ANOS1: variants seen among roughly 807,000 people sequenced by gnomAD.
ANOS1 encodes anosmin-1.
ANOS1 carries 6 observed loss-of-function variants against 59.0 expected under a neutral mutation model. The ratio of observed to expected loss-of-function variants is 0.10; its 90% CI spans 0.06 to 0.20. The LOEUF (loss-of-function observed/expected upper bound fraction) is 0.20, where lower values mean the gene tolerates loss of function less well. Ranked by LOEUF, ANOS1 falls within the 10% of genes least tolerant of loss-of-function variation. The pLI, the probability that ANOS1 is intolerant of heterozygous loss-of-function variation, is 1.00. For missense variants in ANOS1, 433 were observed against 542.3 expected, an observed-to-expected ratio of 0.80 and a Z score of 2.00; for synonymous variants, 217 against 223.4, an observed-to-expected ratio of 0.97 and a Z score of 0.25.
At chrX:8,724,724 A>G (rs149364072) in intron 1 of ANOS1, among the ~76,000 whole-genome samples, 183 of 112,167 alleles carry the variant, frequency 1.6e-3, no homozygotes, top group African/African-American at 5.5e-3. Context: ...TGGAGAAGGA[A>G]TTGGTGTATA....
At chrX:8,654,992 T>C (rs1356624061) in intron 2 of ANOS1, among the ~76,000 whole-genome samples, 3 of 111,888 alleles carry the variant, frequency 2.7e-5, no homozygotes, top group Non-Finnish European at 3.8e-5. Context: ...GTCAGCTACA[T>C]TAGCAGTCCC....
chrX:8,588,105 T>G, intron 4 of ANOS1, 127 bp from the exon 5 acceptor site: 5 of 643,876 alleles, frequency 7.8e-6, no homozygotes, highest in South Asian at 2.4e-5. Flanking sequence ...TTCATAAAAG[T>G]GGCCTCTCCA....
chrX:8,587,691 G>A (rs1930541517), intron 5 of ANOS1, 103 bp downstream of exon 5: 1 of 589,069 alleles, frequency 1.7e-6, no homozygotes, highest in East Asian at 3.6e-5. Flanking sequence ...ATTTATTTCT[G>A]TAGTCAAGCT....
At chrX:8,621,860 C>A (rs969724531) in intron 3 of ANOS1, among the ~76,000 whole-genome samples, 1 of 111,506 alleles carries the variant, frequency 9.0e-6, no homozygotes, top group Non-Finnish European at 1.9e-5. Context: ...TTTTTTACTG[C>A]CACATCTCTA....
chrX:8,570,558 T>A lies in ANOS1; in HGVS notation c.1003A>T (p.Met335Leu), dbSNP rs553886468. ...GGGACAAGAGACTTACTGCTGACCA[T>A]CCAGCTCCAAAAGACCTTGTAATGA... ...VHHYKVFWSW[M>L]VSSKSLVPTK... The change falls in exon 7 of 14, where the codon ATG becomes TTG. Residue 335 changes from methionine to leucine, a missense_variant. By Grantham distance (15) the Met-to-Leu change is conservative (BLOSUM62 2). Transcript: ENST00000262648. The A allele has an allele frequency of 6.6e-6, 8 of 1,209,755 alleles. No individual in the cohort carries two copies. In the South Asian group the frequency reaches 1.4e-4, roughly 21 times the overall value.
intron 2 of ANOS1, among the ~76,000 whole-genome samples, chrX:8,680,337 T>A (rs1307398435): frequency 9.1e-6 from 1 of 109,914 alleles, no homozygotes; most frequent in East Asian, 2.8e-4. Flanking sequence ...ATGGTGTGAT[T>A]TTTTTACCAC....
Position 8,530,182 on chromosome X carries a change from G to A in ANOS1, c.*2813C>T, listed in dbSNP as rs1929474619. 8.9e-6 allele frequency: 1 copy of A among 111,861 alleles called. No individual in the cohort carries two copies. The highest frequency in any genetic ancestry group is 3.2e-5 in the African/African-American group (1 of 30,791). The allele number at this position is 111,861 out of a possible 1,213,427, so 9.2% of individuals were successfully genotyped here. A position where few individuals can be genotyped will look rare whatever the true frequency, so the allele number is the denominator to read the frequency against. Reference sequence around the variant, plus strand: ...GTAACACAGATAAATTCATCATTAAGGAGCAAATGTTGTAAATAAAAATAA... The same window carrying A: ...GTAACACAGATAAATTCATCATTAAAGAGCAAATGTTGTAAATAAAAATAA... On this transcript the variant is annotated 3_prime_UTR_variant, in exon 14 of 14. Coordinates refer to ENST00000262648, the MANE Select transcript of ANOS1 (RefSeq NM_000216.4).
chrX:8,559,697 A>C (rs1569048447), intron 8 of ANOS1, among the ~76,000 whole-genome samples: 1 of 111,945 alleles, frequency 8.9e-6, no homozygotes, highest in Admixed American at 9.5e-5. Context: ...TGATTGCTTT[A>C]GCTCAGAATG....
chrX:8,703,255 T>C (rs1000671059), intron 1 of ANOS1, among the ~76,000 whole-genome samples: 1 of 112,395 alleles, frequency 8.9e-6, no homozygotes, highest in African/African-American at 3.2e-5. Flanking sequence ...AGAAGGCACA[T>C]TTCTGAGGCC....
intron 8 of ANOS1, among the ~76,000 whole-genome samples, chrX:8,559,881 G>C (rs1930006564): frequency 9.0e-6 from 1 of 111,391 alleles, no homozygotes; most frequent in African/African-American, 3.3e-5. Flanking sequence ...ACTCAACCCA[G>C]AAGTCCTCTA....
At chrX:8,689,824 TACTA>T (rs1466149518) in intron 2 of ANOS1, among the ~76,000 whole-genome samples, 1 of 110,376 alleles carries the variant, frequency 9.1e-6, no homozygotes, top group Non-Finnish European at 1.9e-5. Context: ...CTTCATGTCT[TACTA>T]AGCACAAAAC....
chrX:8,727,143 GT>G (rs1932927265), intron 1 of ANOS1, among the ~76,000 whole-genome samples: 1 of 112,061 alleles, frequency 8.9e-6, no homozygotes, highest in African/African-American at 3.2e-5. Flanking sequence ...TTGAGTTTGA[GT>G]TTTGTATGTA....
intron 9 of ANOS1, among the ~76,000 whole-genome samples, chrX:8,550,234 A>T (rs1489720879): frequency 2.7e-5 from 3 of 111,802 alleles, no homozygotes; most frequent in Non-Finnish European, 5.6e-5. Context: ...TTGAGGAAAA[A>T]GTATGCCATC....
intron 1 of ANOS1, among the ~76,000 whole-genome samples, chrX:8,713,620 CT>C (rs1252353168): frequency 3.9e-5 from 4 of 103,204 alleles, no homozygotes; most frequent in Admixed American, 1.0e-4. Flanking sequence ...TTCTTTCTTT[CT>C]TTTTTTTTTG....
At chrX:8,693,432 T>A (rs754581896) in intron 2 of ANOS1, among the ~76,000 whole-genome samples, 2 of 111,844 alleles carry the variant, frequency 1.8e-5, no homozygotes, top group Non-Finnish European at 3.8e-5. Flanking sequence ...AATAGTTTTC[T>A]CTTTCTTCAT....
At chrX:8,647,005 C>T (rs1168135934) in intron 2 of ANOS1, among the ~76,000 whole-genome samples, 3 of 108,789 alleles carry the variant, frequency 2.8e-5, no homozygotes, top group Admixed American at 2.0e-4. Flanking sequence ...GTGGAGGGTC[C>T]GATCCTTGTC....
intron 2 of ANOS1, among the ~76,000 whole-genome samples, chrX:8,655,521 T>C (rs981551264): frequency 1.1e-4 from 12 of 111,203 alleles, no homozygotes; most frequent in Admixed American, 6.7e-4. Context: ...GGCCCTAGGA[T>C]TGGGGACACT....
intron 8 of ANOS1, among the ~76,000 whole-genome samples, chrX:8,565,068 G>C (rs1019674251): frequency 8.9e-6 from 1 of 111,838 alleles, no homozygotes; most frequent in Non-Finnish European, 1.9e-5. Context: ...TTTGTCTGTG[G>C]GCTGGACCAT....
chrX:8,680,977 G>T (rs1167476027), intron 2 of ANOS1, among the ~76,000 whole-genome samples: 1 of 111,330 alleles, frequency 9.0e-6, no homozygotes, highest in African/African-American at 3.3e-5. Context: ...TTCCATACCA[G>T]GAAGAGAAAA....
Sources: gnomAD v4.1 joint callset for allele counts (sites outside exome capture counted in the v4.1 genomes callset) on GRCh38, gnomAD v4.1.1 for gene constraint, MANE v1.5 for transcripts, NCBI Gene and HGNC (gene_info 2026-07-23, HGNC 2026-07-21) for gene names.